Variants in EMC10 observed in about 807,000 individuals in gnomAD.
The protein encoded by EMC10 is ER membrane protein complex subunit 10.
Under a neutral mutation model 32.2 loss-of-function variants are expected in EMC10, and 40 were observed. That is an observed-to-expected ratio of 1.24 (90% CI 0.96 to 1.61). The LOEUF (loss-of-function observed/expected upper bound fraction) is 1.61. Among genes scored for constraint, EMC10 ranks in the 40% most tolerant of loss-of-function variants. EMC10 has a pLI of 0.00. For missense variants in EMC10, 402 were observed against 357.7 expected (o/e 1.12, Z -1.00); for synonymous variants, 178 against 158.4 (o/e 1.12, Z -0.93).
At chr19:50,481,281 G>A (rs1200626038) in intron 6 of EMC10, 2 of 354,848 alleles carry the variant, frequency 5.6e-6, no homozygotes, top group South Asian at 6.2e-5. Flanking sequence ...GAACCAGGGA[G>A]GCTTGGAAAG....
intron 1 of EMC10, chr19:50,476,914 T>G (rs2040234815): frequency 1.4e-5 from 5 of 369,748 alleles, no homozygotes; most frequent in Non-Finnish European, 1.4e-5. Context: ...GGGGCGGGGC[T>G]GGGGGTGTGG....
intron 6 of EMC10, chr19:50,481,927 C>T (rs776642182): frequency 1.2e-6 from 2 of 1,606,196 alleles, no homozygotes; most frequent in South Asian, 2.2e-5. Flanking sequence ...AGGGCCCGCG[C>T]CACCGCCACA....
intron 6 of EMC10, chr19:50,481,559 T>TC: frequency 2.3e-6 from 1 of 441,688 alleles, no homozygotes; most frequent in South Asian, 3.2e-5. Flanking sequence ...TGGTGTTAGG[T>TC]TGTGGCACAG....
chr19:50,477,800 C>A (rs1489859556), intron 1 of EMC10, 129 bp from the exon 2 acceptor site: 13 of 613,618 alleles, frequency 2.1e-5, no homozygotes, highest in Non-Finnish European at 3.6e-5. Context: ...TAAAGGCAAG[C>A]AGCAGTGATT....
rs556407595 is a variant in EMC10, at chr19:50,482,485, C to T, written c.*226C>T. The T allele has an allele frequency of 1.7e-6, 1 of 583,874 alleles. No individual in the cohort carries two copies. Among genetic ancestry groups the T allele is most frequent in the South Asian group, 2.1e-5 (1 of 47,648 alleles). 36.2% of individuals were successfully genotyped at this position (583,874 alleles called of 1,614,324 possible). A position where few individuals can be genotyped will look rare whatever the true frequency, so the allele number is the denominator to read the frequency against. On this transcript the variant is annotated 3_prime_UTR_variant, in exon 7 of 7. Transcript: ENST00000334976. ...CCGGTGTCTCCTGCGCCCGCCTCCC[C>T]CATGGCCCCATGCAGCCCCAGGGGC...
Position 50,486,716 on chromosome 19 carries a change from T to G in EMC10, c.*4457T>G, listed in dbSNP as rs941330015. On this transcript the variant is annotated 3_prime_UTR_variant, in exon 7 of 7. Transcript: ENST00000334976. ...AAATTCCATTTTCCTTTGTTTCCCA[T>G]GTGCAGTCCCAGTTGCATTTCCATG... 6.6e-6 allele frequency: 1 copy of G among 152,186 alleles called. No individual in the cohort carries two copies. Among genetic ancestry groups the G allele is most frequent in the Non-Finnish European group, 1.5e-5 (1 of 68,040 alleles). 9.4% of individuals were successfully genotyped at this position (152,186 alleles called of 1,614,324 possible).
At position 50,488,516 on chromosome 19, in the gene EMC10, G is replaced by A. The variant is rs965558751; in HGVS notation, c.*6257G>A. 3 of 146,736 alleles carry A rather than the reference G, an allele frequency of 2.0e-5. No homozygotes were observed. The highest frequency in any genetic ancestry group is 7.6e-5 in the African/African-American group (3 of 39,390). The allele number at this position is 146,736 out of a possible 1,614,324, so 9.1% of individuals were successfully genotyped here. On this transcript the variant is annotated 3_prime_UTR_variant, in exon 7 of 7. Coordinates refer to ENST00000334976, the MANE Select transcript of EMC10 (RefSeq NM_206538.4). The stretch of plus-strand genomic sequence containing the variant: ...CGGAGAAGAGGGAAGCAGAGAAACG[G>A]GTGAAGGAGGGAGCGTCCTAGGGAG...
rs1305071070 is a variant in EMC10, at chr19:50,483,357, C to T, written c.*1098C>T. 3.1e-6 allele frequency: 1 copy of T among 325,058 alleles called. No individual in the cohort carries two copies. The highest frequency in any genetic ancestry group is 2.2e-5 in the African/African-American group (1 of 45,794). The allele number at this position is 325,058 out of a possible 1,614,324, so 20.1% of individuals were successfully genotyped here. ...GTCCCCCAGATCGACACGCAGCTAG[C>T]CTCCTGCATTGTATGGTTATAAATA... On this transcript the variant is annotated 3_prime_UTR_variant, in exon 7 of 7. Coordinates refer to ENST00000334976, the MANE Select transcript of EMC10 (RefSeq NM_206538.4).
chr19:50,482,085 C>A, intron 6 of EMC10, 64 bp from the exon 7 acceptor site: 1 of 1,393,998 alleles, frequency 7.2e-7, no homozygotes, highest in Non-Finnish European at 1.0e-6. Flanking sequence ...GATGCCCACA[C>A]TCACCTCCTT....
rs909345834 is a variant in EMC10, at chr19:50,490,465, C to T, written c.*8206C>T. 3.9e-5 allele frequency: 6 copies of T among 152,286 alleles called. No homozygotes were observed. The highest frequency in any genetic ancestry group is 1.4e-4 in the African/African-American group (6 of 41,552). 9.4% of individuals were successfully genotyped at this position (152,286 alleles called of 1,614,324 possible). On this transcript the variant is annotated 3_prime_UTR_variant, in exon 7 of 7. Coordinates refer to ENST00000334976, the MANE Select transcript of EMC10 (RefSeq NM_206538.4). ...ACCGTAAGGAAGCTGTGGGTCAACG[C>T]GGAGGGACGTGGGAACCCATCCCGG... is the stretch of plus-strand genomic sequence containing the variant.
Position 50,480,839 on chromosome 19 carries a change from C to T in EMC10, c.585-45C>T. 1.3e-6 allele frequency: 2 copies of T among 1,572,524 alleles called. No individual in the cohort carries two copies. Among genetic ancestry groups the T allele is most frequent in the Non-Finnish European group, 1.7e-6 (2 of 1,156,674 alleles). ...TGGCGGCCTCAGGGTCTCCAGGTCCCTGGACTCCGGGCCTCACCCTTCTCC... is the reference window on the plus strand; with the variant it reads ...TGGCGGCCTCAGGGTCTCCAGGTCCTTGGACTCCGGGCCTCACCCTTCTCC... On this transcript the variant is annotated intron_variant, in intron 5 of 6. Coordinates refer to ENST00000334976, the MANE Select transcript of EMC10 (RefSeq NM_206538.4). The surrounding 1 kb of genome is among the most constrained non-coding windows in gnomAD (Gnocchi z 4.4).
chr19:50,483,939 CTTATGCTTTTTCTGTCTTCATTCCATGTG>C lies in EMC10; in HGVS notation c.*1681_*1709del, dbSNP rs1478600032. The stretch of plus-strand genomic sequence containing the variant: ...TTCTTTCTCCACCTGCAGGAGATAG[CTTATGCTTTTTCTGTCTTCATTCCATGTG>C]AATCCTGCTTCATTCTTTTCCTAGA... On this transcript the variant is annotated 3_prime_UTR_variant, in exon 7 of 7. Coordinates refer to ENST00000334976, the MANE Select transcript of EMC10 (RefSeq NM_206538.4). The C allele has an allele frequency of 6.8e-6, 1 of 147,546 alleles. No homozygotes were observed. The highest frequency in any genetic ancestry group is 1.5e-5 in the Non-Finnish European group (1 of 67,396). The allele number at this position is 147,546 out of a possible 1,614,324, so 9.1% of individuals were successfully genotyped here.
rs1331899164 is a variant in EMC10, at chr19:50,490,245, G to C, written c.*7986G>C. 1 of 152,132 alleles carries C rather than the reference G, an allele frequency of 6.6e-6. No homozygotes were observed. The highest frequency in any genetic ancestry group is 1.5e-5 in the Non-Finnish European group (1 of 68,052). The allele number at this position is 152,132 out of a possible 1,614,324, so 9.4% of individuals were successfully genotyped here. On this transcript the variant is annotated 3_prime_UTR_variant, in exon 7 of 7. Coordinates refer to ENST00000334976, the MANE Select transcript of EMC10 (RefSeq NM_206538.4). ...TTCTCCTGCCTCAGCCTCCCAAGTA[G>C]CTGGGATTACAGGGGCCCGCCATCG...
rs1213971831 is a variant in EMC10 at position 50,480,147 on chromosome 19, A to C, written c.334A>C (p.Ile112Leu). ...AALNGLYRVR[I>L]PRRPGALDGL... is the part of the protein sequence containing the mutation. ...CCTGAATGGCCTGTACCGGGTCCGG[A>C]TCCCAAGGCGACCCGGGGCCCTGGA... Residue 112 changes from isoleucine (I) to leucine (L), a missense_variant, in exon 4 of 7, where the codon ATC (isoleucine) becomes CTC (leucine). Transcript: ENST00000334976. This position sits in a 1 kb window ranked among gnomAD's most constrained non-coding sequence, Gnocchi z 4.4. The C allele has an allele frequency of 6.2e-7, 1 of 1,613,296 alleles. No homozygotes were observed. Among genetic ancestry groups the C allele is most frequent in the African/African-American group, 1.3e-5 (1 of 74,908 alleles).
chr19:50,476,902 A>C, intron 1 of EMC10: 1 of 341,634 alleles, frequency 2.9e-6, no homozygotes, highest in East Asian at 5.0e-5. Flanking sequence ...AATATGTATG[A>C]GGGGGCGGGG....
intron 3 of EMC10, among the ~76,000 whole-genome samples, chr19:50,479,366 C>G (rs561974284): frequency 6.6e-6 from 1 of 152,246 alleles, no homozygotes; most frequent in African/African-American, 2.4e-5. Context: ...TTTTCCAGAT[C>G]AGCTGAGCTG....
At position 50,484,034 on chromosome 19, in the gene EMC10, T is replaced by C. The variant is rs2040363023; in HGVS notation, c.*1775T>C. The C allele has an allele frequency of 2.2e-5, 3 of 136,314 alleles. No homozygotes were observed. In the South Asian group the frequency reaches 7.5e-4, roughly 34 times the overall value. The allele number at this position is 136,314 out of a possible 1,614,324, so 8.4% of individuals were successfully genotyped here. ...TTACTAATGCTTTTTTTTTTTTTTT[T>C]TTTTTTTTTTTGAGGCAGAGTCTCG... On this transcript the variant is annotated 3_prime_UTR_variant, in exon 7 of 7. Transcript: ENST00000334976.
Position 50,487,747 on chromosome 19 carries a change from T to A in EMC10, c.*5488T>A, listed in dbSNP as rs1209585293. The A allele has an allele frequency of 6.6e-6, 1 of 151,274 alleles. No individual in the cohort carries two copies. The allele number at this position is 151,274 out of a possible 1,614,324, so 9.4% of individuals were successfully genotyped here. ...ACGGGGCTCCCGGGAGGGAGGCCAG[T>A]GGGAGTGAGAGCTTGAAGGAGAGAG... On this transcript the variant is annotated 3_prime_UTR_variant, in exon 7 of 7. Coordinates refer to ENST00000334976, the MANE Select transcript of EMC10 (RefSeq NM_206538.4).
At chr19:50,481,981 C>G in intron 6 of EMC10, 168 bp from the exon 7 acceptor site, 1 of 1,605,782 alleles carries the variant, frequency 6.2e-7, no homozygotes, top group Non-Finnish European at 8.5e-7. Flanking sequence ...TCCCTGCGCC[C>G]CACTGGCCCT....
Sources: gnomAD v4.1 joint callset for allele counts (sites outside exome capture counted in the v4.1 genomes callset) on GRCh38, gnomAD v4.1.1 for gene constraint, Gnocchi (gnomAD v3.1) non-coding constraint, MANE v1.5 for transcripts, NCBI Gene and HGNC (gene_info 2026-07-23, HGNC 2026-07-21) for gene names.